The following MYH14 variants were observed in gnomAD, a reference collection of about 807,000 sequenced individuals.
MYH14 encodes the protein myosin heavy chain 14, also known as myosin-14.
MYH14 carries 123 observed loss-of-function variants against 255.5 expected under a neutral mutation model. The observed-to-expected ratio is 0.48, with a 90% CI of 0.42 to 0.56. The LOEUF (loss-of-function observed/expected upper bound fraction) is 0.56. Among genes scored for constraint, MYH14 ranks in the 20% least tolerant of loss-of-function variants. MYH14 has a pLI of 0.00. For synonymous variants in MYH14, 1,095 were observed against 1,161.2 expected, an observed-to-expected ratio of 0.94 and a Z score of 1.16; for missense variants, 2,423 against 2,802.3, an observed-to-expected ratio of 0.86 and a Z score of 3.06.
intron 36 of MYH14, among the ~76,000 whole-genome samples, chr19:50,292,054 T>C (rs1447535087): frequency 6.6e-6 from 1 of 152,018 alleles, no homozygotes; most frequent in Non-Finnish European, 1.5e-5. Flanking sequence ...CAGGTCAACC[T>C]CCTCCCTTGA....
chr19:50,209,783 C>CAAAAA (rs1209985827), intron 1 of MYH14, among the ~76,000 whole-genome samples: 1,404 of 65,492 alleles, frequency 0.021, 15 homozygotes, highest in Middle Eastern at 0.05. Flanking sequence ...GACTCCATCT[C>CAAAAA]AAAAAAAAAA....
In MYH14 at chr19:50,260,588, G is replaced by C. The variant is rs369983938; in HGVS notation, c.2355-58G>C. Reference sequence around the variant, plus strand: ...GAGCCCAGTGCCTGGCCCGCAGCAGGCACTAGGTGAGCGTTTGCTGTAACT... The same window carrying C: ...GAGCCCAGTGCCTGGCCCGCAGCAGCCACTAGGTGAGCGTTTGCTGTAACT... On this transcript the variant is annotated intron_variant, in intron 19 of 42. Coordinates refer to ENST00000642316, the MANE Select transcript of MYH14 (RefSeq NM_001145809.2). 3.0e-5 allele frequency: 38 copies of C among 1,247,556 alleles called. No individual in the cohort carries two copies. The African/African-American group carries it at 4.8e-4, about 16-fold the overall frequency. 77.3% of individuals were successfully genotyped at this position (1,247,556 alleles called of 1,614,324 possible). A position where few individuals can be genotyped will look rare whatever the true frequency, so the allele number is the denominator to read the frequency against.
At chr19:50,219,299 C>T (rs911786634) in intron 3 of MYH14, among the ~76,000 whole-genome samples, 3 of 151,240 alleles carry the variant, frequency 2.0e-5, no homozygotes, top group Non-Finnish European at 4.4e-5. Flanking sequence ...GGGTGGATAC[C>T]CCAGAGTAGG....
At chr19:50,212,024 A>G (rs2032222686) in intron 2 of MYH14, among the ~76,000 whole-genome samples, 1 of 152,070 alleles carries the variant, frequency 6.6e-6, no homozygotes, top group Non-Finnish European at 1.5e-5. Context: ...CATTGAGAAG[A>G]GATTGATGAT....
chr19:50,283,968 A>T (rs1294436766), intron 33 of MYH14, among the ~76,000 whole-genome samples: 1 of 152,058 alleles, frequency 6.6e-6, no homozygotes, highest in East Asian at 1.9e-4. Context: ...GCTACTTGGG[A>T]GGCTGAGGCA....
chr19:50,275,940 C>A, intron 27 of MYH14, 51 bp from the exon 28 acceptor site: 1 of 1,438,542 alleles, frequency 7.0e-7, no homozygotes, highest in Non-Finnish European at 9.6e-7. Context: ...GAAATCATTG[C>A]CTCACTCTGG....
intron 8 of MYH14, 28 bp downstream of exon 8, chr19:50,226,994 C>T: frequency 6.2e-7 from 1 of 1,611,532 alleles, no homozygotes. Flanking sequence ...ATGGGGGTGG[C>T]AGCCAAGGGG....
chr19:50,249,625 G>A (rs772583967), intron 13 of MYH14, 25 bp from the exon 14 acceptor site: 2 of 1,382,382 alleles, frequency 1.4e-6, no homozygotes, highest in African/African-American at 3.7e-5. Flanking sequence ...CATCCTCCCA[G>A]CTCACGTGTC....
chr19:50,219,147 T>C (rs1445648450), intron 3 of MYH14, among the ~76,000 whole-genome samples: 3 of 146,666 alleles, frequency 2.0e-5, no homozygotes, highest in African/African-American at 7.4e-5. Context: ...CACCATGGAA[T>C]ACATATATAT....
At chr19:50,291,291 CTTTG>C (rs1416818251) in intron 36 of MYH14, among the ~76,000 whole-genome samples, 2 of 150,722 alleles carry the variant, frequency 1.3e-5, no homozygotes, top group Admixed American at 6.6e-5. Context: ...TTGTTTGTTT[CTTTG>C]TTTGTTCAGT....
rs933192684 is a variant in MYH14 at position 50,289,517 on chromosome 19, G to A, written c.4834G>A (p.Glu1612Lys). ...LRAQVTELEDELTAAEDAKLR... is the reference protein window; with the variant it reads ...LRAQVTELEDKLTAAEDAKLR... ...AGCACAGGTGACAGAACTGGAGGATGAGCTGACAGCGGCCGAGGATGCCAA... is the reference window on the plus strand; with the variant it reads ...AGCACAGGTGACAGAACTGGAGGATAAGCTGACAGCGGCCGAGGATGCCAA... The change falls in exon 35 of 43, where the codon GAG becomes AAG. Residue 1612 changes from glutamate to lysine, a missense_variant. Physicochemically the swap from Glu to Lys is moderately conservative, Grantham distance 56. Around this residue, in one of 3 missense-constraint regions of MYH14, gnomAD observed 1,513 missense variants for 1,674.8 expected, o/e 0.90. Coordinates refer to ENST00000642316, the MANE Select transcript of MYH14 (RefSeq NM_001145809.2). The A allele has an allele frequency of 5.6e-6, 9 of 1,613,150 alleles. No homozygotes were observed. The highest frequency in any genetic ancestry group is 6.8e-6 in the Non-Finnish European group (8 of 1,179,690).
chr19:50,272,045 C>G (rs2035322897), intron 26 of MYH14, 73 bp downstream of exon 26: 4 of 1,553,880 alleles, frequency 2.6e-6, no homozygotes, highest in South Asian at 2.4e-5. Flanking sequence ...CCATGTGCTA[C>G]AGGGCCTCAG....
chr19:50,271,439 G>T lies in MYH14; in HGVS notation c.3064G>T (p.Gly1022Cys). 1 of 1,606,568 alleles carries T rather than the reference G, an allele frequency of 6.2e-7. No homozygotes were observed. The highest frequency in any genetic ancestry group is 1.1e-5 in the South Asian group (1 of 89,374). ...ELEAHLEAEE[G>C]ARQKLQLEKV... is the part of the protein sequence containing the mutation. ...AGAGGCCCACCTTGAGGCTGAGGAG[G>T]GTGCGCGGCAGAAGCTGCAGCTGGA... The change falls in exon 25 of 43, where the codon GGT becomes TGT. Residue 1022 changes from glycine (G) to cysteine (C), a missense_variant. Around this residue, in one of 3 missense-constraint regions of MYH14, gnomAD observed 1,513 missense variants for 1,674.8 expected, o/e 0.90. Coordinates refer to ENST00000642316, the MANE Select transcript of MYH14 (RefSeq NM_001145809.2).
chr19:50,290,078 C>G (rs139094436), intron 35 of MYH14, among the ~76,000 whole-genome samples: 1 of 152,258 alleles, frequency 6.6e-6, no homozygotes, highest in African/African-American at 2.4e-5. Context: ...CACCCACATA[C>G]AGCCTCTCCC....
chr19:50,276,990 A>G lies in MYH14; in HGVS notation c.3825+89A>G. 3.1e-6 allele frequency: 3 copies of G among 980,226 alleles called. No homozygotes were observed. The highest frequency in any genetic ancestry group is 4.5e-6 in the Non-Finnish European group (3 of 661,774). The allele number at this position is 980,226 out of a possible 1,614,324, so 60.7% of individuals were successfully genotyped here. On this transcript the variant is annotated intron_variant, in intron 29 of 42. Coordinates refer to ENST00000642316, the MANE Select transcript of MYH14 (RefSeq NM_001145809.2). This position sits in a 1 kb window ranked among gnomAD's most constrained non-coding sequence, Gnocchi z 4.3. Reference sequence around the variant, plus strand: ...GGAGGAGGTACCGCTGGCTGGTTCTAGGCTAGCTCATCTCCCTGGGCCCCT... The same window carrying G: ...GGAGGAGGTACCGCTGGCTGGTTCTGGGCTAGCTCATCTCCCTGGGCCCCT...
intron 10 of MYH14, among the ~76,000 whole-genome samples, chr19:50,233,648 A>G (rs1425658614): frequency 1.3e-5 from 2 of 152,108 alleles, no homozygotes; most frequent in African/African-American, 4.8e-5. Flanking sequence ...AGGGTGGTTC[A>G]TCCCGGGAGA....
rs750194207 is a variant in MYH14, at chr19:50,249,121, G to T, written c.1464G>T (p.Ala488=). 16 of 1,588,450 alleles carry T rather than the reference G, an allele frequency of 1.0e-5. No individual in the cohort carries two copies. Among genetic ancestry groups the T allele is most frequent in the Admixed American group, 1.8e-5 (1 of 56,084 alleles). ...GASFLGILDI[A]GFEIFQLNSF... is the part of the protein sequence containing the mutation. ...CCTTCCTGGGCATCCTGGACATCGC[G>T]GGCTTTGAGATCTTCCAGGTCCACC... Residue 488 remains alanine, a synonymous_variant, in exon 13 of 43, where the codon GCG becomes GCT. Transcript: ENST00000642316.
intron 11 of MYH14, among the ~76,000 whole-genome samples, chr19:50,245,730 C>T (rs1254419133): frequency 1.3e-5 from 2 of 152,218 alleles, no homozygotes; most frequent in African/African-American, 4.8e-5. Flanking sequence ...CCCCACTATG[C>T]TGCTGGTAAC....
At chr19:50,262,351 A>G (rs1408015569) in intron 21 of MYH14, among the ~76,000 whole-genome samples, 1 of 152,070 alleles carries the variant, frequency 6.6e-6, no homozygotes, top group East Asian at 1.9e-4. Context: ...TGAGGTCAGG[A>G]GTTCGAGACA....
Sources: gnomAD v4.1 joint callset for allele counts (sites outside exome capture counted in the v4.1 genomes callset) on GRCh38, gnomAD v4.1.1 for gene constraint, gnomAD v4.1.1 regional missense constraint, Gnocchi (gnomAD v3.1) non-coding constraint, MANE v1.5 for transcripts, NCBI Gene and HGNC (gene_info 2026-07-23, HGNC 2026-07-21) for gene names.